The following SEMA5A variants were observed in gnomAD, a reference collection of about 807,000 sequenced individuals.
The protein encoded by SEMA5A is semaphorin-5A.
In SEMA5A, 55 loss-of-function variants were observed where a neutral mutation model predicts 135.5. The observed-to-expected ratio is 0.41, with a 90% CI of 0.33 to 0.51. The LOEUF (loss-of-function observed/expected upper bound fraction) is 0.51. SEMA5A is among the 20% of genes least tolerant of loss of function. The probability of loss-of-function intolerance (pLI) is 0.37; values close to 1 mark genes in which losing one functional copy is unlikely to be tolerated. For missense variants in SEMA5A, 1,290 were observed against 1,419.9 expected (o/e 0.91, Z 1.47); for synonymous variants, 580 against 546.5 (o/e 1.06, Z -0.85).
chr5:9,505,445 T>C (rs527332174), intron 1 of SEMA5A, among the ~76,000 whole-genome samples: 6 of 152,208 alleles, frequency 3.9e-5, no homozygotes, highest in Non-Finnish European at 7.3e-5. Flanking sequence ...TGATCTCAGA[T>C]ACAGCCTGGA....
chr5:9,273,107 C>A (rs1200610288), intron 5 of SEMA5A, among the ~76,000 whole-genome samples: 1 of 151,862 alleles, frequency 6.6e-6, no homozygotes, highest in African/African-American at 2.4e-5. Context: ...AGCTAAGAAC[C>A]TTGAAAAAAG....
chr5:9,312,561 C>A (rs1027738810), intron 5 of SEMA5A, among the ~76,000 whole-genome samples: 1 of 152,058 alleles, frequency 6.6e-6, no homozygotes, highest in African/African-American at 2.4e-5. Context: ...CCAAATATAG[C>A]CATTTTACTT....
At chr5:9,441,583 G>T in intron 1 of SEMA5A, among the ~76,000 whole-genome samples, 1 of 152,004 alleles carries the variant, frequency 6.6e-6, no homozygotes, top group South Asian at 2.1e-4. Flanking sequence ...TTCCACAAAG[G>T]TAAAAATCTG....
chr5:9,264,426 GC>G (rs1749571556), intron 5 of SEMA5A, among the ~76,000 whole-genome samples: 2 of 152,094 alleles, frequency 1.3e-5, no homozygotes, highest in Admixed American at 6.6e-5. Context: ...AGTAAATAAC[GC>G]ATTTTATTTC....
intron 1 of SEMA5A, among the ~76,000 whole-genome samples, chr5:9,479,953 G>T (rs1056398238): frequency 6.6e-6 from 1 of 152,182 alleles, no homozygotes; most frequent in African/African-American, 2.4e-5. Flanking sequence ...AAGAATGAAT[G>T]AACTGCCCAC....
chr5:9,353,187 AAG>A, intron 3 of SEMA5A, among the ~76,000 whole-genome samples: 3 of 106,886 alleles, frequency 2.8e-5, no homozygotes, highest in African/African-American at 1.2e-4. Context: ...AAAGGAAGGG[AAG>A]GGAAAGGAAA....
At position 9,515,983 on chromosome 5, in the gene SEMA5A, T is replaced by A. The variant is rs543170270; in HGVS notation, c.-175+29601A>T. On this transcript the variant is annotated intron_variant, in intron 1 of 22. Transcript: ENST00000382496. ...TAAATCATTTTCTCATATCTGAATA[T>A]AGTTACGACATTTGTGAAATCAGTG... Among the ~76,000 whole-genome samples, 22 of 152,350 alleles carry A rather than the reference T, an allele frequency of 1.4e-4. No homozygotes were observed. The South Asian group carries it at 4.1e-3, about 29-fold the overall frequency.
intron 12 of SEMA5A, among the ~76,000 whole-genome samples, chr5:9,146,113 G>T (rs1321319614): frequency 6.6e-6 from 1 of 152,048 alleles, no homozygotes; most frequent in Non-Finnish European, 1.5e-5. Context: ...CGTGTTGATG[G>T]GTTCTTACCC....
chr5:9,395,408 G>A (rs1756346311), intron 2 of SEMA5A, among the ~76,000 whole-genome samples: 1 of 152,142 alleles, frequency 6.6e-6, no homozygotes, highest in African/African-American at 2.4e-5. Context: ...AGAATGTGTG[G>A]CGTACAGGTG....
chr5:9,179,311 TTAC>T (rs1213723225), intron 11 of SEMA5A, among the ~76,000 whole-genome samples: 2 of 152,208 alleles, frequency 1.3e-5, no homozygotes, highest in Admixed American at 1.3e-4. Context: ...ACCACAATTT[TTAC>T]TACTGAGGGC....
At position 9,119,082 on chromosome 5, in the gene SEMA5A, C is replaced by T. The variant is rs751301885; in HGVS notation, c.1841G>A (p.Gly614Asp). The change falls in exon 15 of 23, where the codon GGC (glycine) becomes GAC (aspartate). Residue 614 changes from glycine to aspartate, a missense_variant. Coordinates refer to ENST00000382496, the MANE Select transcript of SEMA5A (RefSeq NM_003966.3). ...WSPCSTTCGIGFQVRQRSCSN... is the reference protein window; with the variant it reads ...WSPCSTTCGIDFQVRQRSCSN... ...GCAGGAGCGCTGCCGCACCTGGAAG[C>T]CGATCCCACAGGTAGTGCTGCAGGG... is the stretch of plus-strand genomic sequence containing the variant. 2 of 1,613,798 alleles carry T rather than the reference C, an allele frequency of 1.2e-6. No homozygotes were observed. The highest frequency in any genetic ancestry group is 8.5e-7 in the Non-Finnish European group (1 of 1,179,962).
At chr5:9,355,101 A>T (rs370800798) in intron 3 of SEMA5A, among the ~76,000 whole-genome samples, 5 of 152,172 alleles carry the variant, frequency 3.3e-5, no homozygotes, top group African/African-American at 1.2e-4. Context: ...GCTTTGTGGG[A>T]ATATAGTCTC....
intron 16 of SEMA5A, among the ~76,000 whole-genome samples, chr5:9,076,788 C>G (rs1188372992): frequency 6.6e-6 from 1 of 152,066 alleles, no homozygotes; most frequent in Non-Finnish European, 1.5e-5. Context: ...TTCATTTTCA[C>G]TTTCCACCAT....
At chr5:9,186,214 T>C (rs1744801194) in intron 11 of SEMA5A, among the ~76,000 whole-genome samples, 2 of 152,112 alleles carry the variant, frequency 1.3e-5, no homozygotes, top group South Asian at 2.1e-4. Flanking sequence ...CCAGGAGAGA[T>C]ACAGGGCAGT....
chr5:9,107,344 A>C lies in SEMA5A; in HGVS notation c.2073+796T>G, dbSNP rs149766957. Among the ~76,000 whole-genome samples, 9 of 151,734 alleles carry C rather than the reference A, an allele frequency of 5.9e-5. No individual in the cohort carries two copies. The East Asian group carries it at 1.8e-3, about 30-fold the overall frequency. The stretch of plus-strand genomic sequence containing the variant: ...TTTGACAGTTTAAAGTGTTAAAAGA[A>C]ATATAACCTGTAAAGGCAGGAGAAA... On this transcript the variant is annotated intron_variant, in intron 16 of 22. Transcript: ENST00000382496.
intron 11 of SEMA5A, among the ~76,000 whole-genome samples, chr5:9,182,159 C>A (rs35704932): frequency 0.074 from 10,367 of 141,002 alleles, 538 homozygotes; most frequent in East Asian, 0.18. Flanking sequence ...GCCCCCCACC[C>A]CAAAAAAAAA....
chr5:9,516,433 C>A (rs1238535804), intron 1 of SEMA5A: 2 of 152,144 alleles, frequency 1.3e-5, no homozygotes, highest in Non-Finnish European at 2.9e-5. Flanking sequence ...TCTTATTTAC[C>A]ATTTCTACAC....
intron 2 of SEMA5A, among the ~76,000 whole-genome samples, chr5:9,436,411 G>A (rs1758033235): frequency 1.3e-5 from 2 of 152,200 alleles, no homozygotes; most frequent in South Asian, 2.1e-4. Context: ...GCAGACCTCC[G>A]TTTCTTCTTC....
At chr5:9,359,812 T>C (rs1198418096) in intron 3 of SEMA5A, among the ~76,000 whole-genome samples, 6 of 152,136 alleles carry the variant, frequency 3.9e-5, no homozygotes, top group African/African-American at 1.4e-4. Context: ...AAATTACCCT[T>C]TAAAGGCAAA....
Sources: allele counts gnomAD v4.1 joint callset (sites outside exome capture counted in the v4.1 genomes callset), GRCh38; gene constraint gnomAD v4.1.1; transcripts MANE v1.5; gene names NCBI Gene and HGNC (gene_info 2026-07-23, HGNC 2026-07-21).